Variants in RAF1 observed in about 807,000 individuals in gnomAD.
RAF1 encodes the protein Raf-1 proto-oncogene, serine/threonine kinase, also known as RAF proto-oncogene serine/threonine-protein kinase.
In RAF1, 27 loss-of-function variants were observed where a neutral mutation model predicts 81.1. The observed-to-expected ratio is 0.33, with a 90% CI of 0.25 to 0.46. The LOEUF is 0.46. Ranked by LOEUF, RAF1 falls within the 20% of genes least tolerant of loss-of-function variation. The probability of loss-of-function intolerance (pLI) is 1.00; values close to 1 mark genes in which losing one functional copy is unlikely to be tolerated. For missense variants in RAF1, 598 were observed against 826.0 expected, an observed-to-expected ratio of 0.72 and a Z score of 3.38; for synonymous variants, 298 against 294.0, an observed-to-expected ratio of 1.01 and a Z score of -0.14.
chr3:12,584,582 G>A lies in RAF1; in HGVS notation c.1939C>T (p.Arg647Trp), dbSNP rs730881005. 1.6e-5 allele frequency: 26 copies of A among 1,614,058 alleles called. No homozygotes were observed. The highest frequency in any genetic ancestry group is 3.3e-5 in the South Asian group (3 of 91,092). Reference sequence around the variant, plus strand: ...TTGATATCCTCAGTGTGGGCTGCCCGATGCAAGGATGGCTCGGAAGCGCTC... The same window carrying A: ...TTGATATCCTCAGTGTGGGCTGCCCAATGCAAGGATGGCTCGGAAGCGCTC... The change falls in exon 18 of 18, where the codon CGG becomes TGG. Residue 647 changes from arginine (R) to tryptophan (W), a missense_variant. By Grantham distance (101) the Arg-to-Trp change is moderately radical (BLOSUM62 -3). This residue lies in a region of RAF1 where 147 missense variants were observed against 196.1 expected (regional missense o/e 0.75). Transcript: ENST00000442415.
chr3:12,608,720 A>T, intron 5 of RAF1, 46 bp downstream of exon 5: 1 of 1,589,048 alleles, frequency 6.3e-7, no homozygotes. Context: ...TAAAGTATGT[A>T]TACTCCTCAT....
chr3:12,585,924 A>C (rs1430476481), intron 14 of RAF1, 125 bp from the exon 14 acceptor site: 6 of 772,168 alleles, frequency 7.8e-6, no homozygotes, highest in Non-Finnish European at 1.4e-5. Flanking sequence ...TCTGCACTGA[A>C]CTTCCTAAGG....
intron 1 of RAF1, among the ~76,000 whole-genome samples, chr3:12,646,808 CA>C (rs2060362130): frequency 1.3e-5 from 2 of 151,896 alleles, no homozygotes; most frequent in South Asian, 4.2e-4. Context: ...CTCAGCCTCC[CA>C]AAACGCTGGG....
chr3:12,658,260 GATTA>G (rs1480202187), intron 1 of RAF1, among the ~76,000 whole-genome samples: 1 of 152,182 alleles, frequency 6.6e-6, no homozygotes, highest in East Asian at 1.9e-4. Flanking sequence ...CACAGTGAGA[GATTA>G]ATTATAATTA....
In RAF1 at chr3:12,631,968, C is replaced by T. The variant is rs143891192; in HGVS notation, c.-26-13221G>A. Among the ~76,000 whole-genome samples the T allele has an allele frequency of 2.0e-3, 300 of 152,330 alleles. 1 individual carries two copies. Among genetic ancestry groups the T allele is most frequent in the African/African-American group, 6.3e-3 (262 of 41,568 alleles). ...ACCCATGTACTTTTACACAATTACA[C>T]TCTCAATCCAAATACTGTATCACAA... On this transcript the variant is annotated intron_variant, in intron 1 of 17. Coordinates refer to ENST00000442415, the MANE Select transcript of RAF1 (RefSeq NM_001354689.3).
In RAF1 at chr3:12,584,867, C is replaced by T. The variant is rs762092886; in HGVS notation, c.1843G>A (p.Glu615Lys). ...CTTACCTGGGGAAAAAGAGGCCTCT[C>T]TTCCTTTACTTTCTTCACACAGTCA... Residue 615 changes from glutamate to lysine, a missense_variant, in exon 17 of 18, where the codon GAG becomes AAG. Around this residue, in one of 5 missense-constraint regions of RAF1, gnomAD observed 147 missense variants for 196.1 expected, o/e 0.75. Transcript: ENST00000442415. The T allele has an allele frequency of 2.5e-6, 4 of 1,614,142 alleles. No homozygotes were observed. Among genetic ancestry groups the T allele is most frequent in the Non-Finnish European group, 3.4e-6 (4 of 1,180,010 alleles).
chr3:12,597,220 A>C (rs2058714402), intron 11 of RAF1, among the ~76,000 whole-genome samples: 2 of 152,206 alleles, frequency 1.3e-5, no homozygotes, highest in African/African-American at 2.4e-5. Flanking sequence ...AATCTTAAAA[A>C]CAAGTTATCT....
intron 1 of RAF1, among the ~76,000 whole-genome samples, chr3:12,619,115 G>A (rs2059470033): frequency 6.6e-6 from 1 of 152,012 alleles, no homozygotes; most frequent in African/African-American, 2.4e-5. Context: ...CGTGGTGGCG[G>A]GCGCCTGTAG....
chr3:12,603,728 T>G (rs1242553579), intron 7 of RAF1, among the ~76,000 whole-genome samples: 1 of 152,212 alleles, frequency 6.6e-6, no homozygotes, highest in African/African-American at 2.4e-5. Context: ...CACCTGCTTA[T>G]TAAAGTCCTA....
chr3:12,600,357 T>C (rs760960250), intron 9 of RAF1, 31 bp downstream of exon 8: 6 of 1,613,964 alleles, frequency 3.7e-6, no homozygotes, highest in Non-Finnish European at 5.1e-6. Context: ...AAAAGCCCAT[T>C]ATTGTTGGCT....
chr3:12,634,531 T>C (rs930029487), intron 1 of RAF1, among the ~76,000 whole-genome samples: 1 of 152,030 alleles, frequency 6.6e-6, no homozygotes, highest in Admixed American at 6.6e-5. Context: ...ACATCCAGCA[T>C]AGGAAAGAAG....
intron 1 of RAF1, among the ~76,000 whole-genome samples, chr3:12,657,862 A>AAAAC (rs1553625401): frequency 1.1e-4 from 11 of 102,884 alleles, no homozygotes; most frequent in Non-Finnish European, 2.2e-4. Flanking sequence ...CACCCAAAAA[A>AAAAC]AAAACAAAAC....
intron 1 of RAF1, among the ~76,000 whole-genome samples, chr3:12,622,389 A>G (rs1365866272): frequency 1.4e-5 from 2 of 147,740 alleles, no homozygotes; most frequent in Non-Finnish European, 3.1e-5. Flanking sequence ...AATAAAATCT[A>G]AACTCCCTGA....
At position 12,664,084 on chromosome 3, in the gene RAF1, G is replaced by A. The variant is rs727504387; in HGVS notation, c.-298C>T. The A allele has an allele frequency of 2.5e-6, 1 of 398,312 alleles. No homozygotes were observed. The highest frequency in any genetic ancestry group is 4.4e-6 in the Non-Finnish European group (1 of 225,890). The allele number at this position is 398,312 out of a possible 1,614,324, so 24.7% of individuals were successfully genotyped here. A position where few individuals can be genotyped will look rare whatever the true frequency, so the allele number is the denominator to read the frequency against. On this transcript the variant is annotated 5_prime_UTR_variant, in exon 1 of 18. Transcript: ENST00000442415. ...TCACAATCGTTTTCCTCTTACTCCCGCCATCTAAGATGGCGGCCCAAGCGC... is the reference window on the plus strand; with the variant it reads ...TCACAATCGTTTTCCTCTTACTCCCACCATCTAAGATGGCGGCCCAAGCGC...
At chr3:12,589,892 G>C (rs1484736840) in intron 13 of RAF1, 1 of 150,866 alleles carries the variant, frequency 6.6e-6, no homozygotes, top group Non-Finnish European at 1.5e-5. Flanking sequence ...CCGGGTTGAA[G>C]TGATTCTTCT....
At chr3:12,593,342 G>GA (rs989477236) in intron 11 of RAF1, among the ~76,000 whole-genome samples, 1 of 151,820 alleles carries the variant, frequency 6.6e-6, no homozygotes, top group Non-Finnish European at 1.5e-5. Flanking sequence ...CGGCCTCCTG[G>GA]AGTGCTGGGA....
At chr3:12,648,853 G>A (rs1450620951) in intron 1 of RAF1, among the ~76,000 whole-genome samples, 2 of 152,176 alleles carry the variant, frequency 1.3e-5, no homozygotes. Flanking sequence ...GGTGGCTCAC[G>A]CCTGTAATCC....
At position 12,609,261 on chromosome 3, in the gene RAF1, T is replaced by G. The variant is rs2059135930; in HGVS notation, c.395A>C (p.Asp132Ala). ...GTTGTGTGTTGTGAGGGGAACATGA[T>G]CCAGGAAATCTACTTGAAGTTCTTC... Residue 132 changes from aspartate to alanine, a missense_variant, in exon 4 of 18, where the codon GAT (aspartate) becomes GCT (alanine). Asp to Ala is a moderately radical substitution (Grantham distance 126). Transcript: ENST00000442415. The G allele has an allele frequency of 6.2e-7, 1 of 1,612,856 alleles. No homozygotes were observed. Among genetic ancestry groups the G allele is most frequent in the African/African-American group, 1.3e-5 (1 of 74,874 alleles).
intron 1 of RAF1, among the ~76,000 whole-genome samples, chr3:12,634,184 A>G (rs1273614657): frequency 7.0e-6 from 1 of 143,578 alleles, no homozygotes; most frequent in Non-Finnish European, 1.5e-5. Flanking sequence ...GTCTTGCTCT[A>G]TCACCCATGC....
Sources: allele counts gnomAD v4.1 joint callset (sites outside exome capture counted in the v4.1 genomes callset), GRCh38; gene constraint gnomAD v4.1.1; regional missense constraint gnomAD v4.1.1; transcripts MANE v1.5; gene names NCBI Gene and HGNC (gene_info 2026-07-23, HGNC 2026-07-21).